Variants in DAB1 observed in about 807,000 individuals in gnomAD.
DAB1 encodes the protein disabled homolog 1.
Under a neutral mutation model 64.6 loss-of-function variants are expected in DAB1, and 15 were observed. That is an observed-to-expected ratio of 0.23 (90% CI 0.16 to 0.36). The LOEUF (loss-of-function observed/expected upper bound fraction) is 0.36. DAB1 is among the 10% of genes least tolerant of loss of function. The pLI, the probability that DAB1 is intolerant of heterozygous loss-of-function variation, is 1.00. For missense variants in DAB1, 596 were observed against 706.7 expected (o/e 0.84, Z 1.78); for synonymous variants, 235 against 251.9 (o/e 0.93, Z 0.64).
intron 3 of DAB1, among the ~76,000 whole-genome samples, chr1:58,346,150 C>G (rs986975792): frequency 1.3e-5 from 2 of 152,358 alleles, no homozygotes; most frequent in South Asian, 4.1e-4. Flanking sequence ...GGCAGTCCGG[C>G]CCATACAGAC....
intron 5 of DAB1, among the ~76,000 whole-genome samples, chr1:57,988,994 A>G (rs1018196239): frequency 2.6e-5 from 4 of 152,038 alleles, no homozygotes; most frequent in African/African-American, 9.7e-5. Flanking sequence ...AAGCATTTTC[A>G]GAGGTCATCT....
At chr1:58,158,718 C>G (rs568531045) in intron 4 of DAB1, among the ~76,000 whole-genome samples, 7 of 152,154 alleles carry the variant, frequency 4.6e-5, no homozygotes, top group Non-Finnish European at 1.0e-4. Flanking sequence ...GATCATACCC[C>G]GGAAGGAGGA....
In DAB1 at chr1:57,898,152, C is replaced by G. The variant is rs1378311857; in HGVS notation, n.388-13990G>C. Among the ~76,000 whole-genome samples the G allele has an allele frequency of 2.0e-5, 3 of 152,226 alleles. No individual in the cohort carries two copies. In the East Asian group the frequency reaches 5.8e-4, roughly 29 times the overall value. On this transcript the variant is annotated intron_variant and non_coding_transcript_variant, in intron 5 of 20. Coordinates refer to the DAB1 transcript ENST00000485760. ...GGGAGGCTGAGAGTACCTTTGGACT[C>G]TAACAAACCTGCCTTTTCCTAACAA...
At chr1:57,127,599 G>A (rs1379299178) in intron 4 of DAB1, among the ~76,000 whole-genome samples, 1 of 152,112 alleles carries the variant, frequency 6.6e-6, no homozygotes, top group Non-Finnish European at 1.5e-5. Context: ...GTTCACCAAT[G>A]TATCCAAATC....
At chr1:57,228,018 T>C (rs1256368748) in intron 2 of DAB1, among the ~76,000 whole-genome samples, 2 of 152,192 alleles carry the variant, frequency 1.3e-5, no homozygotes, top group Non-Finnish European at 2.9e-5. Flanking sequence ...GATGCAGCCA[T>C]AGTTGTTGTT....
intron 5 of DAB1, among the ~76,000 whole-genome samples, chr1:58,134,783 G>C (rs4912302): frequency 0.52 from 79,622 of 152,030 alleles, 24,259 homozygotes; most frequent in East Asian, 0.86. Flanking sequence ...TCACCTCCCA[G>C]CAGGCCCCAC....
rs540786859 is a variant in DAB1 at position 57,385,603 on chromosome 1, C to G, written c.-137+38327G>C. ...CAGAAAAGAAAGCCTGTAATTACAT[C>G]TCAGGAAGTGCAGAGTCCAGAGGCA... On this transcript the variant is annotated intron_variant, in intron 1 of 14. Coordinates refer to ENST00000371236, the MANE Select transcript of DAB1 (RefSeq NM_001365792.1). Among the ~76,000 whole-genome samples the G allele has an allele frequency of 1.6e-4, 25 of 152,274 alleles. No homozygotes were observed. In the South Asian group the frequency reaches 1.7e-3, roughly 10 times the overall value.
At chr1:58,395,164 G>A (rs1014633931) in intron 3 of DAB1, among the ~76,000 whole-genome samples, 1 of 152,126 alleles carries the variant, frequency 6.6e-6, no homozygotes, top group Admixed American at 6.5e-5. Flanking sequence ...ATTGCATTAA[G>A]AAGAATGGGG....
chr1:58,440,494 G>C (rs1027874445), intron 3 of DAB1, among the ~76,000 whole-genome samples: 3 of 152,234 alleles, frequency 2.0e-5, no homozygotes, highest in African/African-American at 4.8e-5. Context: ...AAGGAACTTT[G>C]AAAGTGAATT....
chr1:57,978,888 G>A (rs913365791), intron 5 of DAB1, among the ~76,000 whole-genome samples: 4 of 152,056 alleles, frequency 2.6e-5, no homozygotes, highest in Non-Finnish European at 5.9e-5. Flanking sequence ...GCCTAGAATG[G>A]CGATCATTAA....
chr1:57,779,052 A>T (rs373970721), intron 6 of DAB1, among the ~76,000 whole-genome samples: 9 of 152,242 alleles, frequency 5.9e-5, no homozygotes, highest in African/African-American at 2.2e-4. Flanking sequence ...TCTAGTAAGT[A>T]TAAATAGGGG....
intron 1 of DAB1, among the ~76,000 whole-genome samples, chr1:57,417,354 T>A (rs1163475028): frequency 6.6e-6 from 1 of 151,646 alleles, no homozygotes; most frequent in East Asian, 1.9e-4. Flanking sequence ...AGCATTCCAA[T>A]AAAGGAACAC....
upstream of DAB1, among the ~76,000 whole-genome samples, chr1:57,887,962 C>T (rs143568110): frequency 6.6e-6 from 1 of 152,276 alleles, no homozygotes; most frequent in East Asian, 1.9e-4. Context: ...TGATGCACAT[C>T]ACCAGAATGT....
chr1:57,497,042 C>T, intron 7 of DAB1, among the ~76,000 whole-genome samples: 1 of 152,186 alleles, frequency 6.6e-6, no homozygotes, highest in East Asian at 1.9e-4. Flanking sequence ...CTTGCCTTCA[C>T]TCTGTTCAGA....
chr1:57,112,458 C>T (rs1356611406), intron 4 of DAB1, among the ~76,000 whole-genome samples: 2 of 152,124 alleles, frequency 1.3e-5, no homozygotes, highest in African/African-American at 4.8e-5. Context: ...ATGCTGTCTT[C>T]TACGTGAGAA....
chr1:58,352,939 T>TTAAC (rs1257260486), intron 3 of DAB1, among the ~76,000 whole-genome samples: 2 of 152,182 alleles, frequency 1.3e-5, no homozygotes, highest in African/African-American at 2.4e-5. Flanking sequence ...GCCTTGATCT[T>TTAAC]TAACTTCTCA....
At chr1:58,216,719 A>G (rs547134985) in intron 4 of DAB1, among the ~76,000 whole-genome samples, 3 of 152,320 alleles carry the variant, frequency 2.0e-5, no homozygotes, top group African/African-American at 7.2e-5. Context: ...AATGATCGCC[A>G]TTCTAACTGG....
At chr1:57,142,621 CACACACACAT>C (rs1280774358) in intron 3 of DAB1, among the ~76,000 whole-genome samples, 44 of 150,556 alleles carry the variant, frequency 2.9e-4, no homozygotes, top group African/African-American at 1.1e-3. Flanking sequence ...CACACACACA[CACACACACAT>C]ACACACACAC....
At chr1:58,382,344 T>C (rs543644763) in intron 3 of DAB1, among the ~76,000 whole-genome samples, 1 of 152,206 alleles carries the variant, frequency 6.6e-6, no homozygotes, top group Admixed American at 6.5e-5. Context: ...GCTGGGGAAA[T>C]AGTCACAGCA....
Sources: gnomAD v4.1 joint callset for allele counts (sites outside exome capture counted in the v4.1 genomes callset) on GRCh38, gnomAD v4.1.1 for gene constraint, MANE v1.5 for transcripts, NCBI Gene and HGNC (gene_info 2026-07-23, HGNC 2026-07-21) for gene names.